The following ADK variants were observed in gnomAD, a reference collection of about 807,000 sequenced individuals.
ADK encodes adenosine kinase.
ADK carries 24 observed loss-of-function variants against 44.7 expected under a neutral mutation model. The observed-to-expected ratio is 0.54, with a 90% CI of 0.39 to 0.76. ADK has a LOEUF of 0.76. Ranked by LOEUF, ADK falls within the 30% of genes least tolerant of loss-of-function variation. The probability of loss-of-function intolerance (pLI) is 0.00; values close to 1 mark genes in which losing one functional copy is unlikely to be tolerated. For synonymous variants in ADK, 128 were observed against 142.6 expected, an observed-to-expected ratio of 0.90 and a Z score of 0.73; for missense variants, 321 against 425.1, an observed-to-expected ratio of 0.76 and a Z score of 2.15.
chr10:74,625,063 T>C (rs1446154840), intron 9 of ADK, among the ~76,000 whole-genome samples: 1 of 152,158 alleles, frequency 6.6e-6, no homozygotes. Flanking sequence ...GAGTGCCTAC[T>C]GTATGTCAAG....
intron 6 of ADK, among the ~76,000 whole-genome samples, chr10:74,429,978 A>G (rs1844926139): frequency 6.6e-6 from 1 of 152,180 alleles, no homozygotes; most frequent in Admixed American, 6.5e-5. Flanking sequence ...AGATCTTTAC[A>G]TATAGTAATT....
At chr10:74,391,051 A>G (rs1044281844) in intron 4 of ADK, among the ~76,000 whole-genome samples, 4 of 152,278 alleles carry the variant, frequency 2.6e-5, no homozygotes, top group African/African-American at 4.8e-5. Context: ...CATTTGCTCT[A>G]TCCTACAATA....
intron 3 of ADK, among the ~76,000 whole-genome samples, chr10:74,274,799 TG>T (rs1398931605): frequency 7.0e-6 from 1 of 141,942 alleles, no homozygotes; most frequent in Admixed American, 7.4e-5. Flanking sequence ...GGTCTTACTT[TG>T]TTGCCCAGGC....
intron 1 of ADK, among the ~76,000 whole-genome samples, chr10:74,200,529 G>A: frequency 6.6e-6 from 1 of 151,276 alleles, no homozygotes. Flanking sequence ...GTGTGAGATG[G>A]TGTCTCATTG....
chr10:74,253,755 C>G (rs866853394), intron 3 of ADK, among the ~76,000 whole-genome samples: 23 of 143,738 alleles, frequency 1.6e-4, no homozygotes, highest in African/African-American at 5.8e-4. Flanking sequence ...GATATAAACT[C>G]TCTACACTGC....
chr10:74,476,139 G>A (rs1363410454), intron 6 of ADK, among the ~76,000 whole-genome samples: 2 of 152,056 alleles, frequency 1.3e-5, no homozygotes, highest in Admixed American at 6.6e-5. Context: ...GAGAAAGCTG[G>A]CTCTGATTAT....
intron 9 of ADK, among the ~76,000 whole-genome samples, chr10:74,649,200 G>A (rs1341833324): frequency 6.6e-6 from 1 of 152,076 alleles, no homozygotes; most frequent in African/African-American, 2.4e-5. Flanking sequence ...ATGACAGACC[G>A]AGACTCCATC....
At chr10:74,591,181 CT>C (rs768281530) in intron 8 of ADK, among the ~76,000 whole-genome samples, 1 of 152,130 alleles carries the variant, frequency 6.6e-6, no homozygotes, top group Non-Finnish European at 1.5e-5. Flanking sequence ...CAACAAACTA[CT>C]TTTTCTATTT....
At chr10:74,406,650 C>T (rs2132919933) in intron 6 of ADK, among the ~76,000 whole-genome samples, 1 of 150,778 alleles carries the variant, frequency 6.6e-6, no homozygotes, top group Middle Eastern at 3.4e-3. Flanking sequence ...TGAATAATTA[C>T]TCTCTCCCCT....
At chr10:74,690,534 A>G (rs1406208501) in intron 10 of ADK, among the ~76,000 whole-genome samples, 1 of 152,152 alleles carries the variant, frequency 6.6e-6, no homozygotes. Context: ...ATCCTTGACG[A>G]TATGTCCCCA....
intron 10 of ADK, among the ~76,000 whole-genome samples, chr10:74,673,684 A>G (rs1312502428): frequency 1.3e-5 from 2 of 152,182 alleles, no homozygotes; most frequent in East Asian, 1.9e-4. Flanking sequence ...ATTGTCACCA[A>G]TGTGACAGCC....
chr10:74,216,408 C>G (rs1844021358), intron 2 of ADK, among the ~76,000 whole-genome samples: 1 of 151,936 alleles, frequency 6.6e-6, no homozygotes, highest in Non-Finnish European at 1.5e-5. Context: ...TCTCTGCCTT[C>G]AAAATGTTGG....
At chr10:74,483,842 C>T (rs1021291623) in intron 6 of ADK, among the ~76,000 whole-genome samples, 8 of 152,228 alleles carry the variant, frequency 5.3e-5, no homozygotes, top group African/African-American at 1.9e-4. Context: ...AGTTCCTCAT[C>T]TCCATCTGAG....
At chr10:74,294,979 C>T (rs753712559) in intron 3 of ADK, among the ~76,000 whole-genome samples, 51 of 152,036 alleles carry the variant, frequency 3.4e-4, no homozygotes, top group Non-Finnish European at 5.6e-4. Flanking sequence ...CCTCAGCCTC[C>T]TCAGCAGCTA....
At chr10:74,540,562 C>T (rs566832967) in intron 7 of ADK, among the ~76,000 whole-genome samples, 6 of 151,924 alleles carry the variant, frequency 3.9e-5, no homozygotes, top group Non-Finnish European at 5.9e-5. Context: ...CAGGTTCAAG[C>T]GATTCTCAAG....
rs112657999 is a variant in ADK at position 74,314,912 on chromosome 10, T to C, written c.273+167T>C. Among the ~76,000 whole-genome samples, 762 of 152,250 alleles carry C rather than the reference T, an allele frequency of 5.0e-3. 11 individuals are homozygous for C. Among genetic ancestry groups the C allele is most frequent in the African/African-American group, 0.017 (711 of 41,576 alleles). On this transcript the variant is annotated intron_variant, in intron 4 of 10. Coordinates refer to ENST00000539909, the MANE Select transcript of ADK (RefSeq NM_006721.4). ...TCTAATCAAAAGTTATTTTAATTGG[T>C]ATTTCTTTGGTTATTGGTAAGCTTG...
intron 3 of ADK, among the ~76,000 whole-genome samples, chr10:74,234,053 A>G (rs1371265215): frequency 6.6e-6 from 1 of 152,234 alleles, no homozygotes; most frequent in Admixed American, 6.5e-5. Context: ...ACAAACAGAA[A>G]TATTTTGAGA....
At chr10:74,478,272 T>G (rs907217010) in intron 6 of ADK, among the ~76,000 whole-genome samples, 4 of 152,164 alleles carry the variant, frequency 2.6e-5, no homozygotes, top group East Asian at 1.9e-4. Context: ...CAGGCTAGAG[T>G]GCAGTGGAGC....
intron 3 of ADK, among the ~76,000 whole-genome samples, chr10:74,272,160 G>T (rs1434914002): frequency 6.6e-6 from 1 of 152,048 alleles, no homozygotes; most frequent in African/African-American, 2.4e-5. Context: ...AATTTTCCTT[G>T]TAAGGGATGT....
Sources: gnomAD v4.1 joint callset for allele counts (sites outside exome capture counted in the v4.1 genomes callset) on GRCh38, gnomAD v4.1.1 for gene constraint, MANE v1.5 for transcripts, NCBI Gene and HGNC (gene_info 2026-07-23, HGNC 2026-07-21) for gene names.